NUP160: variants seen among roughly 807,000 people sequenced by gnomAD.
NUP160 encodes nucleoporin 160.
A neutral mutation model predicts 196.9 loss-of-function variants in NUP160; 94 were observed. The observed-to-expected ratio is 0.48, with a 90% CI of 0.40 to 0.57. NUP160 has a LOEUF of 0.57. NUP160 is among the 20% of genes least tolerant of loss of function. The pLI is 0.00. For missense variants in NUP160, 1,638 were observed against 1,748.3 expected (o/e 0.94, Z 1.13); for synonymous variants, 605 against 619.7 (o/e 0.98, Z 0.35).
chr11:47,831,464 GT>G (rs1461249637), intron 7 of NUP160, among the ~76,000 whole-genome samples: 1 of 152,084 alleles, frequency 6.6e-6, no homozygotes, highest in Non-Finnish European at 1.5e-5. Flanking sequence ...TAAATAAATG[GT>G]GGTATACAAC....
rs3816605 is a variant in NUP160 at position 47,835,701 on chromosome 11, T to A, written c.1051A>T (p.Thr351Ser). Residue 351 changes from threonine (T) to serine (S), a missense_variant, in exon 7 of 36, where the codon ACC becomes TCC. Around this residue, in one of 3 missense-constraint regions of NUP160, gnomAD observed 1,345 missense variants for 1,470.2 expected, o/e 0.91. Transcript: ENST00000378460. ...TATATCCCCAGGTAGAGTCCCATGG[T>A]GGGGGAATAAGCAAGCCGTAATTTG... The A allele has an allele frequency of 6.2e-7, 1 of 1,602,984 alleles. No individual in the cohort carries two copies. The highest frequency in any genetic ancestry group is 8.5e-7 in the Non-Finnish European group (1 of 1,174,880).
intron 4 of NUP160, 154 bp downstream of exon 4, chr11:47,839,689 A>G (rs548756746): frequency 1.5e-6 from 1 of 674,382 alleles, no homozygotes; most frequent in Non-Finnish European, 2.6e-6. Context: ...ACTGTATAAA[A>G]GTAAAGCATT....
chr11:47,811,108 G>C (rs2097680854), intron 17 of NUP160, among the ~76,000 whole-genome samples: 1 of 152,134 alleles, frequency 6.6e-6, no homozygotes. Flanking sequence ...CAAGAGTCTG[G>C]TGGTCTAAGA....
Position 47,808,490 on chromosome 11 carries a change from C to T in NUP160, c.2281G>A (p.Asp761Asn). 9.3e-6 allele frequency: 15 copies of T among 1,613,936 alleles called. No individual in the cohort carries two copies. The highest frequency in any genetic ancestry group is 1.3e-5 in the Non-Finnish European group (15 of 1,179,932). ...AGGGGAGCTGTTCGATGTAGTAGGT[C>T]TTGCTGAGCTTGAAAGAGCTGACCA... Residue 761 changes from aspartate to asparagine, a missense_variant, in exon 18 of 36, where the codon GAC (aspartate) becomes AAC (asparagine). Around this residue, in one of 3 missense-constraint regions of NUP160, gnomAD observed 1,345 missense variants for 1,470.2 expected, o/e 0.91. Transcript: ENST00000378460.
chr11:47,787,988 C>T (rs941586302), intron 31 of NUP160, among the ~76,000 whole-genome samples, 194 bp downstream of exon 31: 4 of 152,090 alleles, frequency 2.6e-5, no homozygotes, highest in South Asian at 2.1e-4. Flanking sequence ...TCCCAAAGTG[C>T]TGGGATTACA....
In NUP160 at chr11:47,848,199, C is replaced by T. The variant is rs375837843; in HGVS notation, c.202+20G>A. The T allele has an allele frequency of 1.7e-4, 274 of 1,613,702 alleles. No individual in the cohort carries two copies. The highest frequency in any genetic ancestry group is 2.1e-4 in the Non-Finnish European group (244 of 1,179,750). ...CCGAGGGGACAGATGGGATCGCACC[C>T]TCCCTGGCCATTTCCGTACCAATGC... On this transcript the variant is annotated intron_variant, in intron 1 of 35. Transcript: ENST00000378460.
At chr11:47,802,045 G>A (rs1035581088) in intron 22 of NUP160, 115 bp from the exon 23 acceptor site, 1 of 886,590 alleles carries the variant, frequency 1.1e-6, no homozygotes, top group South Asian at 1.7e-5. Context: ...ACTTAACATG[G>A]TCTACTCTAT....
In NUP160 at chr11:47,824,382, G is replaced by A. The variant is rs368363148; in HGVS notation, c.1102-2218C>T. Among the ~76,000 whole-genome samples the A allele has an allele frequency of 1.3e-4, 20 of 151,950 alleles. No individual in the cohort carries two copies. The South Asian group carries it at 3.9e-3, about 30-fold the overall frequency. On this transcript the variant is annotated intron_variant, in intron 7 of 35. Transcript: ENST00000378460. ...GCACTTTGGGAGGCCGAGACAGGTG[G>A]ATCATGAGGTCAGGAGATCGAGACC...
intron 31 of NUP160, 97 bp downstream of exon 31, chr11:47,788,085 A>G: frequency 1.0e-6 from 1 of 992,964 alleles, no homozygotes; most frequent in Non-Finnish European, 1.5e-6. Context: ...CATAAATGAT[A>G]TATGGGCTAC....
rs1220730044 is a variant in NUP160 at position 47,791,994 on chromosome 11, A to G, written c.3451-4T>C. 1 of 1,601,034 alleles carries G rather than the reference A, an allele frequency of 6.2e-7. No individual in the cohort carries two copies. The highest frequency in any genetic ancestry group is 8.5e-7 in the Non-Finnish European group (1 of 1,172,356). ...GGGATGCTCCAGGGCGATCATACTG[A>G]TAAAACAAAACAAGCAATTTAACTG... On this transcript the variant is annotated splice_polypyrimidine_tract_variant and splice_region_variant and intron_variant, in intron 28 of 35. Transcript: ENST00000378460.
rs554204043 is a variant in NUP160, at chr11:47,831,894, C to CTTTTTTTTTTTTTTTTTTTT, written c.1101+3737_1101+3756dup. On this transcript the variant is annotated intron_variant, in intron 7 of 35. Coordinates refer to ENST00000378460, the Ensembl canonical transcript of NUP160. ...GAGACAGATCTGATCTAATAAATTC[C>CTTTTTTTTTTTTTTTTTTTT]TTTTTTTTTTTTTTTTTTTTTTTTT... Among the ~76,000 whole-genome samples the CTTTTTTTTTTTTTTTTTTTT allele has an allele frequency of 7.1e-5, 5 of 69,982 alleles. 1 individual carries two copies. Among genetic ancestry groups the CTTTTTTTTTTTTTTTTTTTT allele is most frequent in the African/African-American group, 3.1e-4 (5 of 16,194 alleles). 45.9% of individuals were successfully genotyped at this position (69,982 alleles called of 152,430 possible).
chr11:47,847,917 C>A, exon 2 of NUP160: 1 of 1,614,142 alleles, frequency 6.2e-7, no homozygotes, highest in Non-Finnish European at 8.5e-7. Context: ...GCCTCCCGCG[C>A]TTTCACTGTA....
At chr11:47,788,798 A>C (rs2097666219) in intron 29 of NUP160, among the ~76,000 whole-genome samples, 187 bp from the exon 30 acceptor site, 1 of 152,192 alleles carries the variant, frequency 6.6e-6, no homozygotes. Flanking sequence ...ATCCCATGTC[A>C]AATCAAAGTA....
At chr11:47,822,016 T>C (rs1355601708) in intron 8 of NUP160, 71 bp downstream of exon 8, 3 of 1,102,832 alleles carry the variant, frequency 2.7e-6, no homozygotes, top group Non-Finnish European at 4.1e-6. Flanking sequence ...AATCCCATTA[T>C]ACCATAACAG....
rs995816921 is a variant in NUP160 at position 47,797,879 on chromosome 11, C to T, written c.3189G>A (p.Val1063=). The T allele has an allele frequency of 1.1e-5, 17 of 1,610,888 alleles. No individual in the cohort carries two copies. In the Admixed American group the frequency reaches 1.8e-4, roughly 18 times the overall value. Residue 1063 remains valine (V), a synonymous_variant, in exon 27 of 36, where the codon GTG becomes GTA. Coordinates refer to ENST00000378460, the Ensembl canonical transcript of NUP160. ...CTCTAGCACGTGACTCAATTATTCC[C>T]ACAACCTAGGGAAGGGGAAGCAATC... is the stretch of plus-strand genomic sequence containing the variant.
chr11:47,786,431 G>A, intron 32 of NUP160, 22 bp downstream of exon 32: 1 of 1,510,720 alleles, frequency 6.6e-7, no homozygotes, highest in Non-Finnish European at 9.2e-7. Flanking sequence ...AAACTACCCA[G>A]GGTTGAACAC....
exon 9 of NUP160, chr11:47,821,724 T>C (rs760348508): frequency 9.3e-6 from 15 of 1,607,454 alleles, no homozygotes; most frequent in Non-Finnish European, 1.2e-5. Context: ...TGACCCATAC[T>C]GTTCAAAGTT....
At chr11:47,811,930 C>T in intron 17 of NUP160, 134 bp downstream of exon 17, 1 of 701,500 alleles carries the variant, frequency 1.4e-6, no homozygotes, top group Non-Finnish European at 2.4e-6. Flanking sequence ...TCTCATAAGG[C>T]CAAGCTTGGG....
chr11:47,847,800 A>G lies in NUP160; in HGVS notation c.314+48T>C, dbSNP rs114548585. 2.8e-4 allele frequency: 382 copies of G among 1,347,380 alleles called. 1 individual carries two copies. The African/African-American group carries it at 4.6e-3, about 16-fold the overall frequency. 83.5% of individuals were successfully genotyped at this position (1,347,380 alleles called of 1,614,324 possible). A position where few individuals can be genotyped will look rare whatever the true frequency, so the allele number is the denominator to read the frequency against. ...TTTGGGTACAGCGACGAAAATTTAT[A>G]CACCAAACCCTACCTTCCAGGGGAG... On this transcript the variant is annotated intron_variant, in intron 2 of 35. Coordinates refer to ENST00000378460, the Ensembl canonical transcript of NUP160.
Sources: gnomAD v4.1 joint callset for allele counts (sites outside exome capture counted in the v4.1 genomes callset) on GRCh38, gnomAD v4.1.1 for gene constraint, gnomAD v4.1.1 regional missense constraint, MANE v1.5 for transcripts, NCBI Gene and HGNC (gene_info 2026-07-23, HGNC 2026-07-21) for gene names.